The following PGA5 variants were observed in gnomAD, a reference collection of about 807,000 sequenced individuals.
PGA5 encodes pepsin A-5.
In PGA5, 19 loss-of-function variants were observed where a neutral mutation model predicts 15.9. The observed-to-expected ratio is 1.19, with a 90% CI of 0.83 to 1.75. PGA5 has a LOEUF of 1.75. Among genes scored for constraint, PGA5 ranks in the 40% most tolerant of loss-of-function variants. The probability of loss-of-function intolerance (pLI) is 0.00; values close to 1 mark genes in which losing one functional copy is unlikely to be tolerated. For missense variants in PGA5, 224 were observed against 246.4 expected, an observed-to-expected ratio of 0.91 and a Z score of 0.61; for synonymous variants, 92 against 95.8, an observed-to-expected ratio of 0.96 and a Z score of 0.23.
rs1204256046 is a variant in PGA5, at chr11:61,247,434, T to C, written c.657-985T>C. Among the ~76,000 whole-genome samples, 4 of 151,896 alleles carry C rather than the reference T, an allele frequency of 2.6e-5. 1 individual carries two copies. The highest frequency in any genetic ancestry group is 9.7e-5 in the African/African-American group (4 of 41,266). ...CTGGGACTACAGGCATGGGCCACCA[T>C]GCCCAGCTAATTTTTTGTATTTTTA... is the stretch of plus-strand genomic sequence containing the variant. On this transcript the variant is annotated intron_variant, in intron 5 of 8. Coordinates refer to ENST00000312403, the MANE Select transcript of PGA5 (RefSeq NM_014224.5).
intron 8 of PGA5, chr11:61,250,683 G>T: frequency 2.2e-6 from 1 of 463,398 alleles, no homozygotes; most frequent in South Asian, 1.5e-5. Flanking sequence ...ATGGGATGGG[G>T]CTGCGGGGGT....
In PGA5 at chr11:61,249,761, C is replaced by G; in HGVS notation, c.866C>G (p.Pro289Arg). The change falls in exon 7 of 9, where the codon CCC becomes CGC. Residue 289 changes from proline to arginine, a missense_variant. Pro to Arg is a moderately radical substitution (Grantham distance 103, BLOSUM62 -2). Transcript: ENST00000312403. Reference sequence around the variant, plus strand: ...TCTCTGCTGACCGGCCCAACCAGCCCCATTGCCAACATCCAGAGCGACATC... The same window carrying G: ...TCTCTGCTGACCGGCCCAACCAGCCGCATTGCCAACATCCAGAGCGACATC... ...GTSLLTGPTSPIANIQSDIGA... is the reference protein window; with the variant it reads ...GTSLLTGPTSRIANIQSDIGA... The G allele has an allele frequency of 6.2e-7, 1 of 1,613,614 alleles. No individual in the cohort carries two copies.
intron 6 of PGA5, among the ~76,000 whole-genome samples, chr11:61,249,014 C>CCCCA (rs1854104306): frequency 6.6e-6 from 1 of 152,082 alleles, no homozygotes; most frequent in South Asian, 2.1e-4. Flanking sequence ...TTCATTTCTA[C>CCCCA]GCTGTTCTTC....
intron 5 of PGA5, among the ~76,000 whole-genome samples, chr11:61,247,318 G>A (rs1363350133): frequency 3.4e-5 from 5 of 148,852 alleles, no homozygotes; most frequent in Admixed American, 6.7e-5. Flanking sequence ...TCGCTCTGTC[G>A]CCCAGGCTGG....
intron 5 of PGA5, among the ~76,000 whole-genome samples, chr11:61,247,579 G>C (rs35417652): frequency 6.6e-6 from 1 of 151,898 alleles, no homozygotes; most frequent in Non-Finnish European, 1.5e-5. Flanking sequence ...GCCCAGCCCC[G>C]GATAATTAAT....
chr11:61,247,174 G>A lies in PGA5; in HGVS notation c.656+1029G>A, dbSNP rs1041107595. Among the ~76,000 whole-genome samples the A allele has an allele frequency of 2.6e-5, 4 of 151,908 alleles. No individual in the cohort carries two copies. In the East Asian group the frequency reaches 5.8e-4, roughly 22 times the overall value. On this transcript the variant is annotated intron_variant, in intron 5 of 8. Coordinates refer to ENST00000312403, the MANE Select transcript of PGA5 (RefSeq NM_014224.5). ...CCTCGGTTGGTAACTACACGTCTAGGTCCTCACTATATTGCCTTGCACTGT... is the reference window on the plus strand; with the variant it reads ...CCTCGGTTGGTAACTACACGTCTAGATCCTCACTATATTGCCTTGCACTGT...
At chr11:61,248,291 A>G (rs1854093636) in intron 5 of PGA5, 128 bp from the exon 6 acceptor site, 1 of 1,608,994 alleles carries the variant, frequency 6.2e-7, no homozygotes, top group South Asian at 1.1e-5. Context: ...AAAAGAAACC[A>G]CATTGGTCAC....
intron 6 of PGA5, 47 bp from the exon 7 acceptor site, chr11:61,249,622 A>G: frequency 1.2e-6 from 2 of 1,613,518 alleles, no homozygotes; most frequent in Non-Finnish European, 1.7e-6. Flanking sequence ...CCTTGGAGAG[A>G]TGAACCCCTG....
chr11:61,246,418 A>G (rs1321097065), intron 5 of PGA5, among the ~76,000 whole-genome samples: 1 of 151,776 alleles, frequency 6.6e-6, no homozygotes, highest in Admixed American at 6.6e-5. Context: ...TTTGCCCCTT[A>G]GTGCCACTTC....
chr11:61,249,912 C>G lies in PGA5; in HGVS notation c.919-4C>G. ...CTAACTTTTCTCACCCTCACTCTTT[C>G]CAGATGGTGGTCAGCTGCTCAGCCA... On this transcript the variant is annotated splice_polypyrimidine_tract_variant and splice_region_variant and intron_variant, in intron 7 of 8. Transcript: ENST00000312403. The G allele has an allele frequency of 4.3e-6, 7 of 1,613,598 alleles. No individual in the cohort carries two copies. The highest frequency in any genetic ancestry group is 1.1e-5 in the South Asian group (1 of 91,062).
At chr11:61,250,314 A>G (rs4996588) in intron 8 of PGA5, among the ~76,000 whole-genome samples, 26,977 of 150,164 alleles carry the variant, frequency 0.18, 7,158 homozygotes, top group African/African-American at 0.58. Flanking sequence ...TTGATTCTGA[A>G]CAAGCTACAG....
At position 61,249,774 on chromosome 11, in the gene PGA5, C is replaced by A; in HGVS notation, c.879C>A (p.Ile293=). 3.7e-6 allele frequency: 6 copies of A among 1,613,684 alleles called. No homozygotes were observed. Among genetic ancestry groups the A allele is most frequent in the Non-Finnish European group, 5.1e-6 (6 of 1,179,866 alleles). ...LTGPTSPIAN[I]QSDIGASENS... ...GCCCAACCAGCCCCATTGCCAACAT[C>A]CAGAGCGACATCGGAGCCAGCGAGA... Residue 293 remains isoleucine, a synonymous_variant, in exon 7 of 9, where the codon ATC becomes ATA. Coordinates refer to ENST00000312403, the MANE Select transcript of PGA5 (RefSeq NM_014224.5).
Position 61,251,186 on chromosome 11 carries a change from G to A in PGA5, c.1072G>A (p.Gly358Arg), listed in dbSNP as rs777590681. Reference protein sequence around the residue: ...FQGMNVPTESGELWILGDVFI... With the variant: ...FQGMNVPTESRELWILGDVFI... ...GGGCATGAACGTCCCCACCGAATCT[G>A]GAGAGCTTTGGATCCTGGGTGATGT... The change falls in exon 9 of 9, where the codon GGA becomes AGA. Residue 358 changes from glycine (G) to arginine (R), a missense_variant. Gly to Arg is a moderately radical substitution (Grantham distance 125). Coordinates refer to ENST00000312403, the MANE Select transcript of PGA5 (RefSeq NM_014224.5). 6.2e-7 allele frequency: 1 copy of A among 1,611,868 alleles called. No individual in the cohort carries two copies. The highest frequency in any genetic ancestry group is 1.1e-5 in the South Asian group (1 of 90,996).
intron 5 of PGA5, chr11:61,248,213 C>A (rs760628230): frequency 1.1e-5 from 14 of 1,270,426 alleles, no homozygotes; most frequent in Non-Finnish European, 1.4e-5. Flanking sequence ...CTCCCTCAGG[C>A]TCAGTGTCCT....
At chr11:61,246,434 C>T (rs764549912) in intron 5 of PGA5, among the ~76,000 whole-genome samples, 50 of 151,912 alleles carry the variant, frequency 3.3e-4, no homozygotes, top group Non-Finnish European at 5.7e-4. Context: ...ACTTCCCTCA[C>T]CCTTGGCCCC....
chr11:61,248,804 C>T (rs773437339), intron 6 of PGA5, among the ~76,000 whole-genome samples: 1 of 152,102 alleles, frequency 6.6e-6, no homozygotes, highest in East Asian at 1.9e-4. Flanking sequence ...GGACCATCCA[C>T]CAGCATCCCT....
chr11:61,250,752 G>A (rs1468136604), intron 8 of PGA5: 3 of 479,286 alleles, frequency 6.3e-6, no homozygotes, highest in African/African-American at 5.9e-5. Flanking sequence ...AGTGAGGCAA[G>A]AGGGCTAATA....
At position 61,250,987 on chromosome 11, in the gene PGA5, C is replaced by G. The variant is rs1463110266; in HGVS notation, c.1018-145C>G. 4.7e-6 allele frequency: 7 copies of G among 1,499,098 alleles called. No individual in the cohort carries two copies. The African/African-American group carries it at 7.0e-5, about 15-fold the overall frequency. The allele number at this position is 1,499,098 out of a possible 1,614,324, so 92.9% of individuals were successfully genotyped here. ...CTACAGGCTGACTCCAGGCCAAGAACAGCCGAATCCCTGGACACTGAGCCA... is the reference window on the plus strand; with the variant it reads ...CTACAGGCTGACTCCAGGCCAAGAAGAGCCGAATCCCTGGACACTGAGCCA... On this transcript the variant is annotated intron_variant, in intron 8 of 8. Transcript: ENST00000312403.
rs766801165 is a variant in PGA5, at chr11:61,248,475, C to A, written c.713C>A (p.Thr238Asn). The stretch of plus-strand genomic sequence containing the variant: ...GGTGGCATTGACTCTTCTTACTACA[C>A]TGGAAGTCTGAACTGGGTGCCTGTT... ...IFGGIDSSYY[T>N]GSLNWVPVTV... The change falls in exon 6 of 9, where the codon ACT becomes AAT. Residue 238 changes from threonine to asparagine, a missense_variant. Coordinates refer to ENST00000312403, the MANE Select transcript of PGA5 (RefSeq NM_014224.5). 23 of 1,613,608 alleles carry A rather than the reference C, an allele frequency of 1.4e-5. No individual in the cohort carries two copies. Among genetic ancestry groups the A allele is most frequent in the Middle Eastern group, 1.7e-4 (1 of 6,004 alleles).
Sources: gnomAD v4.1 joint callset for allele counts (sites outside exome capture counted in the v4.1 genomes callset) on GRCh38, gnomAD v4.1.1 for gene constraint, MANE v1.5 for transcripts, NCBI Gene and HGNC (gene_info 2026-07-23, HGNC 2026-07-21) for gene names.